Variants in SLC25A15 observed in about 807,000 individuals in gnomAD.
The protein encoded by SLC25A15 is mitochondrial ornithine transporter 1.
SLC25A15 carries 24 observed loss-of-function variants against 32.3 expected under a neutral mutation model. That is an observed-to-expected ratio of 0.74 (90% CI 0.54 to 1.04). The LOEUF (loss-of-function observed/expected upper bound fraction) is 1.04, where lower values mean the gene tolerates loss of function less well. Among genes scored for constraint, SLC25A15 ranks in the 50% least tolerant of loss-of-function variants. SLC25A15 has a pLI of 0.00. For missense variants in SLC25A15, 317 were observed against 374.5 expected (o/e 0.85, Z 1.27); for synonymous variants, 132 against 142.1 (o/e 0.93, Z 0.51).
intron 4 of SLC25A15, among the ~76,000 whole-genome samples, chr13:40,805,937 A>G (rs1245925227): frequency 6.6e-6 from 1 of 152,242 alleles, no homozygotes; most frequent in Non-Finnish European, 1.5e-5. Flanking sequence ...TTGCTTACTT[A>G]TCTTGACATC....
rs1881786415 is a variant in SLC25A15 at position 40,799,229 on chromosome 13, T to C, written c.228T>C (p.Ala76=). 1.4e-5 allele frequency: 22 copies of C among 1,614,232 alleles called. No homozygotes were observed. The highest frequency in any genetic ancestry group is 1.9e-5 in the Non-Finnish European group (22 of 1,180,036). ...GTCCAGCACTAATCGCCAACATCGCTGAGAACTCAGTCCTCTTCATGTGCT... is the reference window on the plus strand; with the variant it reads ...GTCCAGCACTAATCGCCAACATCGCCGAGAACTCAGTCCTCTTCATGTGCT... The part of the protein sequence containing the change: ...GTSPALIANI[A]ENSVLFMCYG... The change falls in exon 3 of 7, where the codon GCT becomes GCC. Residue 76 remains alanine (A), a synonymous_variant. Coordinates refer to ENST00000338625, the MANE Select transcript of SLC25A15 (RefSeq NM_014252.4).
chr13:40,796,149 A>G (rs1881664139), intron 2 of SLC25A15, among the ~76,000 whole-genome samples: 1 of 152,164 alleles, frequency 6.6e-6, no homozygotes, highest in African/African-American at 2.4e-5. Flanking sequence ...ATCCATCTGT[A>G]AGCACAGAGC....
rs1882488827 is a variant in SLC25A15 at position 40,812,283 on chromosome 13, G to A, written c.*2616G>A. Among the ~76,000 whole-genome samples, 1 of 152,220 alleles carries A rather than the reference G, an allele frequency of 6.6e-6. No individual in the cohort carries two copies. The highest frequency in any genetic ancestry group is 1.5e-5 in the Non-Finnish European group (1 of 68,044). On this transcript the variant is annotated 3_prime_UTR_variant, in exon 7 of 7. Transcript: ENST00000338625. ...GTTCAATAGAAAGAGTCTGAGGCAA[G>A]TGGAAATGAGGAACGGAAACTTAGG...
chr13:40,798,758 G>A, intron 2 of SLC25A15: 1 of 985,430 alleles, frequency 1.0e-6, no homozygotes, highest in Non-Finnish European at 1.2e-6. Flanking sequence ...CAAAGCCATA[G>A]TCCCTCTGAC....
At chr13:40,796,573 C>T (rs1881676037) in intron 2 of SLC25A15, among the ~76,000 whole-genome samples, 2 of 152,144 alleles carry the variant, frequency 1.3e-5, no homozygotes, top group Non-Finnish European at 2.9e-5. Context: ...TTCTCAAATG[C>T]CAAAATTAAA....
chr13:40,800,734 A>G (rs1055786680), intron 3 of SLC25A15, among the ~76,000 whole-genome samples: 1 of 152,158 alleles, frequency 6.6e-6, no homozygotes, highest in South Asian at 2.1e-4. Flanking sequence ...CCTGTGAACA[A>G]AGTGAAGGAC....
intron 2 of SLC25A15, among the ~76,000 whole-genome samples, chr13:40,795,043 A>C (rs542722316): frequency 2.0e-5 from 3 of 152,270 alleles, no homozygotes; most frequent in East Asian, 3.9e-4. Context: ...CCAGATGCCC[A>C]GGGAACGGAA....
chr13:40,800,182 G>T (rs1024776765), intron 3 of SLC25A15, among the ~76,000 whole-genome samples: 6 of 152,166 alleles, frequency 3.9e-5, no homozygotes, highest in Non-Finnish European at 8.8e-5. Context: ...TCGGTTTCTT[G>T]TGCACAGCAC....
rs766311643 is a variant in SLC25A15 at position 40,808,482 on chromosome 13, C to T, written c.667C>T (p.Leu223Phe). ...MLSGGVGGICLWLAVYPVDCI... is the reference protein window; with the variant it reads ...MLSGGVGGICFWLAVYPVDCI... ...AAGTGGTGGAGTTGGTGGGATTTGC[C>T]TCTGGCTTGCGGTATACCCAGTGGA... Residue 223 changes from leucine to phenylalanine, a missense_variant, in exon 6 of 7, where the codon CTC becomes TTC. Transcript: ENST00000338625. The T allele has an allele frequency of 2.5e-6, 4 of 1,613,468 alleles. No homozygotes were observed. The highest frequency in any genetic ancestry group is 1.3e-5 in the African/African-American group (1 of 74,866).
intron 2 of SLC25A15, among the ~76,000 whole-genome samples, chr13:40,795,663 G>A (rs1881647304): frequency 6.6e-6 from 1 of 152,088 alleles, no homozygotes; most frequent in Non-Finnish European, 1.5e-5. Context: ...TAGGGAGGGG[G>A]AGCGAGACAT....
rs551210492 is a variant in SLC25A15, at chr13:40,811,142, G to A, written c.*1475G>A. Among the ~76,000 whole-genome samples, 2 of 152,238 alleles carry A rather than the reference G, an allele frequency of 1.3e-5. No homozygotes were observed. The highest frequency in any genetic ancestry group is 2.9e-5 in the Non-Finnish European group (2 of 68,040). ...TACATTTGGTACTTGCAGTCAGTAA[G>A]TCTTAATGATGACTGTATATGTGAT... On this transcript the variant is annotated 3_prime_UTR_variant, in exon 7 of 7. Coordinates refer to ENST00000338625, the MANE Select transcript of SLC25A15 (RefSeq NM_014252.4).
intron 2 of SLC25A15, among the ~76,000 whole-genome samples, chr13:40,795,007 C>T (rs1881624248): frequency 6.6e-6 from 1 of 152,178 alleles, no homozygotes; most frequent in Admixed American, 6.5e-5. Flanking sequence ...TCTCCCAGGG[C>T]AGAACCCACA....
rs970338237 is a variant in SLC25A15, at chr13:40,810,852, C to T, written c.*1185C>T. 1 of 534,650 alleles carries T rather than the reference C, an allele frequency of 1.9e-6. No individual in the cohort carries two copies. Among genetic ancestry groups the T allele is most frequent in the African/African-American group, 1.9e-5 (1 of 51,982 alleles). 33.1% of individuals were successfully genotyped at this position (534,650 alleles called of 1,614,324 possible). On this transcript the variant is annotated 3_prime_UTR_variant, in exon 7 of 7. Coordinates refer to ENST00000338625, the MANE Select transcript of SLC25A15 (RefSeq NM_014252.4). ...GCTAGCAACAGCGCTTACCTTTTGT[C>T]TCTGGGTCCTGGCCTGGGGCCATCA... is the stretch of plus-strand genomic sequence containing the variant.
At chr13:40,803,740 A>C (rs1882000137) in intron 3 of SLC25A15, among the ~76,000 whole-genome samples, 1 of 152,230 alleles carries the variant, frequency 6.6e-6, no homozygotes, top group African/African-American at 2.4e-5. Flanking sequence ...GTAGGTCACC[A>C]GTTGAACTGG....
intron 6 of SLC25A15, among the ~76,000 whole-genome samples, chr13:40,808,906 G>A (rs977673473): frequency 7.6e-5 from 10 of 130,746 alleles, no homozygotes; most frequent in South Asian, 2.4e-4. Context: ...CTGCACTCCA[G>A]CCTGGGCAAC....
intron 2 of SLC25A15, among the ~76,000 whole-genome samples, chr13:40,796,085 T>TC (rs111415982): frequency 4.8e-4 from 73 of 152,264 alleles, no homozygotes; most frequent in African/African-American, 1.7e-3. Context: ...TGCCAGCCAT[T>TC]GATAGGAGCA....
rs1593295459 is a variant in SLC25A15, at chr13:40,807,594, C to T, written c.622+131C>T. The T allele has an allele frequency of 6.0e-6, 6 of 1,005,286 alleles. No homozygotes were observed. In the East Asian group the frequency reaches 1.4e-4, roughly 24 times the overall value. The allele number at this position is 1,005,286 out of a possible 1,614,324, so 62.3% of individuals were successfully genotyped here. ...GGCTCCATCTGGCACAGGGAAGCTTCTGGATGCCTGAAGGTAACATGGTGG... is the reference window on the plus strand; with the variant it reads ...GGCTCCATCTGGCACAGGGAAGCTTTTGGATGCCTGAAGGTAACATGGTGG... On this transcript the variant is annotated intron_variant, in intron 5 of 6. Coordinates refer to ENST00000338625, the MANE Select transcript of SLC25A15 (RefSeq NM_014252.4).
In SLC25A15 at chr13:40,789,653, C is replaced by A. The variant is rs1367314798; in HGVS notation, c.-80C>A. The stretch of plus-strand genomic sequence containing the variant: ...GGAGCCTGAGCTGGACGCGGCCACG[C>A]CGGCGCGGCGGTGAGCGCAGCCCGG... On this transcript the variant is annotated 5_prime_UTR_variant, in exon 1 of 7. Coordinates refer to ENST00000338625, the MANE Select transcript of SLC25A15 (RefSeq NM_014252.4). 1 of 151,050 alleles carries A rather than the reference C, an allele frequency of 6.6e-6. No individual in the cohort carries two copies. Among genetic ancestry groups the A allele is most frequent in the Non-Finnish European group, 1.5e-5 (1 of 67,634 alleles). The allele number at this position is 151,050 out of a possible 1,614,324, so 9.4% of individuals were successfully genotyped here.
chr13:40,800,467 CTG>C (rs1371579629), intron 3 of SLC25A15, among the ~76,000 whole-genome samples: 15 of 152,136 alleles, frequency 9.9e-5, no homozygotes, highest in Non-Finnish European at 1.2e-4. Context: ...CTACAGGCAA[CTG>C]TAGTTTTGTT....
Sources: gnomAD v4.1 joint callset for allele counts (sites outside exome capture counted in the v4.1 genomes callset) on GRCh38, gnomAD v4.1.1 for gene constraint, MANE v1.5 for transcripts, NCBI Gene and HGNC (gene_info 2026-07-23, HGNC 2026-07-21) for gene names.